Variants in APBA1 observed in about 807,000 individuals in gnomAD.
The protein encoded by APBA1 is amyloid-beta A4 precursor protein-binding family A member 1.
In APBA1, 55 loss-of-function variants were observed where a neutral mutation model predicts 86.6. The ratio of observed to expected loss-of-function variants is 0.64; its 90% confidence interval spans 0.51 to 0.80. APBA1 has a LOEUF of 0.80. APBA1 is among the 30% of genes least tolerant of loss of function. APBA1 has a pLI of 0.00. For synonymous variants in APBA1, 511 were observed against 493.9 expected, an observed-to-expected ratio of 1.03 and a Z score of -0.46; for missense variants, 1,090 against 1,183.0, an observed-to-expected ratio of 0.92 and a Z score of 1.15.
intron 1 of APBA1, among the ~76,000 whole-genome samples, chr9:69,624,605 C>T (rs754380451): frequency 1.3e-5 from 2 of 152,154 alleles, no homozygotes; most frequent in Non-Finnish European, 2.9e-5. Context: ...CTGAATTAGA[C>T]CTGCCTCATT....
intron 1 of APBA1, among the ~76,000 whole-genome samples, chr9:69,613,587 T>G (rs775040040): frequency 3.4e-4 from 52 of 152,174 alleles, no homozygotes; most frequent in Non-Finnish European, 6.2e-4. Flanking sequence ...CTCTTTCAAC[T>G]TTTTAACCAG....
At chr9:69,571,020 G>A (rs1234876565) in intron 1 of APBA1, among the ~76,000 whole-genome samples, 3 of 152,156 alleles carry the variant, frequency 2.0e-5, no homozygotes, top group Non-Finnish European at 4.4e-5. Context: ...AGGCGTGGAT[G>A]GTGGATTCTA....
At chr9:69,540,122 G>GCGGCAACAACAACAACAA (rs369017582) in intron 1 of APBA1, among the ~76,000 whole-genome samples, 1 of 148,468 alleles carries the variant, frequency 6.7e-6, no homozygotes, top group Non-Finnish European at 1.5e-5. Flanking sequence ...CTCCATCTCG[G>GCGGCAACAACAACAACAA]CAACAACAAC....
At chr9:69,565,306 C>T (rs1034586263) in intron 1 of APBA1, among the ~76,000 whole-genome samples, 5 of 152,124 alleles carry the variant, frequency 3.3e-5, no homozygotes, top group African/African-American at 9.7e-5. Context: ...CCAGCCTCCA[C>T]ATGCCACAGC....
chr9:69,452,330 G>T, intron 8 of APBA1, 29 bp from the exon 9 acceptor site: 1 of 1,610,804 alleles, frequency 6.2e-7, no homozygotes, highest in Non-Finnish European at 8.5e-7. Context: ...AGGAAAGATG[G>T]TCAGCAGGGC....
chr9:69,468,095 C>A, intron 4 of APBA1, 127 bp from the exon 5 acceptor site: 3 of 1,084,186 alleles, frequency 2.8e-6, no homozygotes, highest in Non-Finnish European at 4.0e-6. Context: ...ACCTGCTGGT[C>A]TGAGGCATCT....
At chr9:69,481,076 C>T (rs1328984229) in intron 2 of APBA1, among the ~76,000 whole-genome samples, 8 of 149,430 alleles carry the variant, frequency 5.4e-5, no homozygotes, top group Non-Finnish European at 8.9e-5. Context: ...GACAGGGATG[C>T]CCTCTCTCAC....
Position 69,516,932 on chromosome 9 carries a change from C to G in APBA1, c.279G>C (p.Glu93Asp). Reference protein sequence around the residue: ...SGFHNHTDTAEGDVIAAARDG... With the variant: ...SGFHNHTDTADGDVIAAARDG... ...CGCGGGCCGCGGCGATCACGTCGCC[C>G]TCGGCGGTGTCCGTGTGGTTGTGGA... Residue 93 changes from glutamate (E) to aspartate (D), a missense_variant, in exon 2 of 13, where the codon GAG becomes GAC. Transcript: ENST00000265381. The surrounding 1 kb of genome is among the most constrained non-coding windows in gnomAD (Gnocchi z 7.3). The G allele has an allele frequency of 6.3e-7, 1 of 1,594,282 alleles. No individual in the cohort carries two copies. Among genetic ancestry groups the G allele is most frequent in the Non-Finnish European group, 8.5e-7 (1 of 1,177,246 alleles).
chr9:69,453,592 C>T (rs779876196), intron 8 of APBA1, among the ~76,000 whole-genome samples: 1 of 152,196 alleles, frequency 6.6e-6, no homozygotes, highest in African/African-American at 2.4e-5. Context: ...GATTCTATGA[C>T]AGCTATTAGT....
At chr9:69,455,554 T>C (rs1835082037) in intron 8 of APBA1, among the ~76,000 whole-genome samples, 1 of 152,072 alleles carries the variant, frequency 6.6e-6, no homozygotes, top group Non-Finnish European at 1.5e-5. Context: ...CCCAGAGAAA[T>C]GGAGCTTAGG....
intron 2 of APBA1, among the ~76,000 whole-genome samples, chr9:69,503,236 T>C (rs1255365545): frequency 6.6e-6 from 1 of 152,122 alleles, no homozygotes; most frequent in Admixed American, 6.5e-5. Context: ...CTCTTGCATA[T>C]TTTTCAATTA....
At chr9:69,482,482 G>A (rs1482583710) in intron 2 of APBA1, among the ~76,000 whole-genome samples, 6 of 151,094 alleles carry the variant, frequency 4.0e-5, no homozygotes, top group Non-Finnish European at 8.8e-5. Context: ...AATGGGTGCT[G>A]GAGAGGATGT....
intron 2 of APBA1, among the ~76,000 whole-genome samples, chr9:69,481,823 T>C (rs1472323183): frequency 6.6e-6 from 1 of 151,904 alleles, no homozygotes; most frequent in Non-Finnish European, 1.5e-5. Context: ...GCCGCATGTC[T>C]ACAACTATCT....
intron 1 of APBA1, among the ~76,000 whole-genome samples, chr9:69,519,633 G>A (rs895415024): frequency 6.6e-6 from 1 of 152,224 alleles, no homozygotes; most frequent in African/African-American, 2.4e-5. Flanking sequence ...TTACCCAGAG[G>A]TGTCACAGTT....
At chr9:69,464,262 G>A (rs1835240343) in intron 5 of APBA1, 1 of 152,136 alleles carries the variant, frequency 6.6e-6, no homozygotes. Flanking sequence ...CAACCAATCT[G>A]ATAAGCATTT....
At chr9:69,547,545 C>T (rs1466984613) in intron 1 of APBA1, among the ~76,000 whole-genome samples, 1 of 152,090 alleles carries the variant, frequency 6.6e-6, no homozygotes, top group African/African-American at 2.4e-5. Context: ...CCTTGCTACC[C>T]CAAATAAAAT....
At chr9:69,460,129 T>C (rs1162504649) in intron 5 of APBA1, among the ~76,000 whole-genome samples, 1 of 152,212 alleles carries the variant, frequency 6.6e-6, no homozygotes, top group African/African-American at 2.4e-5. Flanking sequence ...TTGCCTATAC[T>C]ACCTCATTGT....
chr9:69,649,113 C>G (rs943582003), intron 1 of APBA1, among the ~76,000 whole-genome samples: 1 of 152,152 alleles, frequency 6.6e-6, no homozygotes, highest in Non-Finnish European at 1.5e-5. Flanking sequence ...TCTCTCCAGC[C>G]TTCTGCCAGC....
At position 69,430,093 on chromosome 9, in the gene APBA1, G is replaced by A. The variant is rs1234038781; in HGVS notation, c.*1234C>T. ...GAGGGTGTTTATGGACCACATCTGGGGATTCTGAGGCATAACTTGAGGTTG... is the reference window on the plus strand; with the variant it reads ...GAGGGTGTTTATGGACCACATCTGGAGATTCTGAGGCATAACTTGAGGTTG... On this transcript the variant is annotated 3_prime_UTR_variant, in exon 13 of 13. Transcript: ENST00000265381. 1 of 152,178 alleles carries A rather than the reference G, an allele frequency of 6.6e-6. No individual in the cohort carries two copies. Among genetic ancestry groups the A allele is most frequent in the Non-Finnish European group, 1.5e-5 (1 of 68,040 alleles). 9.4% of individuals were successfully genotyped at this position (152,178 alleles called of 1,614,324 possible).
Sources: allele counts gnomAD v4.1 joint callset (sites outside exome capture counted in the v4.1 genomes callset), GRCh38; gene constraint gnomAD v4.1.1; non-coding constraint Gnocchi (gnomAD v3.1); transcripts MANE v1.5; gene names NCBI Gene and HGNC (gene_info 2026-07-23, HGNC 2026-07-21).